TNKS: variants seen among roughly 807,000 people sequenced by gnomAD.
The protein encoded by TNKS is poly [ADP-ribose] polymerase tankyrase-1.
A neutral mutation model predicts 135.8 loss-of-function variants in TNKS; 72 were observed. The ratio of observed to expected loss-of-function variants is 0.53; its 90% CI spans 0.44 to 0.64. TNKS has a LOEUF of 0.64. Ranked by LOEUF, TNKS falls within the 30% of genes least tolerant of loss-of-function variation. TNKS has a pLI of 0.00. For missense variants in TNKS, 1,769 were observed against 1,674.0 expected (o/e 1.06, Z -0.99); for synonymous variants, 849 against 649.3 (o/e 1.31, Z -4.68).
intron 3 of TNKS, among the ~76,000 whole-genome samples, chr8:9,661,120 G>T (rs1295053250): frequency 6.6e-6 from 1 of 151,908 alleles, no homozygotes; most frequent in Admixed American, 6.6e-5. Context: ...CATGCTCATG[G>T]GTAGGAAGAA....
chr8:9,729,595 G>A (rs1805325193), intron 13 of TNKS, among the ~76,000 whole-genome samples: 1 of 152,160 alleles, frequency 6.6e-6, no homozygotes, highest in African/African-American at 2.4e-5. Flanking sequence ...CAGTAAAGCA[G>A]GGTTTGAGTC....
intron 12 of TNKS, chr8:9,722,429 G>C (rs1476823506): frequency 6.6e-6 from 1 of 152,070 alleles, no homozygotes; most frequent in Non-Finnish European, 1.5e-5. Flanking sequence ...TTCTACTTCA[G>C]CCTTAATGGT....
At chr8:9,657,275 C>A (rs1247382957) in intron 3 of TNKS, among the ~76,000 whole-genome samples, 1 of 96,776 alleles carries the variant, frequency 1.0e-5, no homozygotes, top group Admixed American at 9.3e-5. Context: ...CCCTCCCGGA[C>A]GGGGCGGCTG....
chr8:9,726,594 A>G (rs1203610364), intron 12 of TNKS, 47 bp from the exon 13 acceptor site: 4 of 1,388,274 alleles, frequency 2.9e-6, no homozygotes, highest in Non-Finnish European at 4.0e-6. Context: ...CAGTTGGAAT[A>G]TATGAGTTTG....
chr8:9,596,688 A>G (rs1382791772), intron 2 of TNKS, among the ~76,000 whole-genome samples: 1 of 152,232 alleles, frequency 6.6e-6, no homozygotes, highest in Non-Finnish European at 1.5e-5. Context: ...TGAAATCTGA[A>G]TAACTCTTTC....
At position 9,615,526 on chromosome 8, in the gene TNKS, A is replaced by G; in HGVS notation, c.899-56A>G. 6 of 1,416,800 alleles carry G rather than the reference A, an allele frequency of 4.2e-6. No individual in the cohort carries two copies. The South Asian group carries it at 6.2e-5, about 15-fold the overall frequency. 87.8% of individuals were successfully genotyped at this position (1,416,800 alleles called of 1,614,324 possible). ...ACACCATGCCGAGACGACACTTACCAGTAAATAATCTCTGTATCCCCGAGG... is the reference window on the plus strand; with the variant it reads ...ACACCATGCCGAGACGACACTTACCGGTAAATAATCTCTGTATCCCCGAGG... On this transcript the variant is annotated intron_variant, in intron 2 of 26. Transcript: ENST00000310430.
chr8:9,586,067 T>C (rs910549355), intron 2 of TNKS, among the ~76,000 whole-genome samples: 3 of 152,198 alleles, frequency 2.0e-5, no homozygotes, highest in African/African-American at 7.2e-5. Flanking sequence ...ATATTTTATA[T>C]ATAATAATTA....
intron 2 of TNKS, among the ~76,000 whole-genome samples, chr8:9,603,864 T>G (rs1799114919): frequency 6.6e-6 from 1 of 151,940 alleles, no homozygotes; most frequent in African/African-American, 2.4e-5. Flanking sequence ...TGTCTCAAAT[T>G]TAATCTGGTA....
intron 1 of TNKS, among the ~76,000 whole-genome samples, chr8:9,578,906 A>G (rs941958772): frequency 4.6e-5 from 7 of 152,208 alleles, no homozygotes; most frequent in African/African-American, 1.7e-4. Flanking sequence ...ATTGCAATTT[A>G]GTTTGTAATT....
At chr8:9,753,284 G>C (rs1175399348) in intron 20 of TNKS, among the ~76,000 whole-genome samples, 1 of 152,140 alleles carries the variant, frequency 6.6e-6, no homozygotes, top group Non-Finnish European at 1.5e-5. Context: ...ATGTGACTAG[G>C]CTCCTGAAGC....
chr8:9,721,298 T>TTATTTATATATATATATATA (rs1804868949), intron 12 of TNKS, among the ~76,000 whole-genome samples: 2 of 118,154 alleles, frequency 1.7e-5, no homozygotes, highest in Non-Finnish European at 3.5e-5. Flanking sequence ...AATAAATAAA[T>TTATTTATATATATATATATA]TATATATATA....
At chr8:9,705,375 A>G (rs1002709188) in intron 6 of TNKS, among the ~76,000 whole-genome samples, 9 of 152,274 alleles carry the variant, frequency 5.9e-5, no homozygotes, top group East Asian at 1.9e-4. Context: ...TCATTGCCCC[A>G]CTTTAAGATC....
intron 11 of TNKS, among the ~76,000 whole-genome samples, chr8:9,714,806 C>T (rs567159802): frequency 9.2e-5 from 14 of 152,212 alleles, no homozygotes; most frequent in Middle Eastern, 3.4e-3. Flanking sequence ...TGGTTTCCTA[C>T]GCCTTGATAA....
chr8:9,556,446 A>G lies in TNKS; in HGVS notation c.507A>G (p.Ala169=). The change falls in exon 1 of 27, where the codon GCA becomes GCG. Residue 169 remains alanine, a synonymous_variant. Transcript: ENST00000310430. The part of the protein sequence containing the change: ...VSSTAPLGPG[A]AGPGTGVPAV... ...GCACAGCACCACTGGGGCCTGGGGC[A>G]GCAGGACCTGGGACAGGGGTCCCAG... is the stretch of plus-strand genomic sequence containing the variant. 1 of 1,614,170 alleles carries G rather than the reference A, an allele frequency of 6.2e-7. No homozygotes were observed. Among genetic ancestry groups the G allele is most frequent in the Non-Finnish European group, 8.5e-7 (1 of 1,180,038 alleles).
intron 1 of TNKS, chr8:9,575,317 C>A: frequency 1.2e-6 from 1 of 823,880 alleles, no homozygotes; most frequent in Non-Finnish European, 1.5e-6. Flanking sequence ...GATTTCCTGA[C>A]CTCGTGATCC....
At chr8:9,645,868 C>T (rs146124715) in intron 3 of TNKS, among the ~76,000 whole-genome samples, 1 of 152,070 alleles carries the variant, frequency 6.6e-6, no homozygotes, top group Non-Finnish European at 1.5e-5. Context: ...AGTTTTGACT[C>T]ATAGTTATCT....
chr8:9,769,418 CT>C (rs1807667310), intron 25 of TNKS, among the ~76,000 whole-genome samples: 1 of 152,164 alleles, frequency 6.6e-6, no homozygotes, highest in Non-Finnish European at 1.5e-5. Context: ...TCATGATCCA[CT>C]TTTATTATTA....
intron 1 of TNKS, among the ~76,000 whole-genome samples, chr8:9,563,631 T>C (rs180715891): frequency 1.4e-3 from 212 of 152,314 alleles, no homozygotes; most frequent in African/African-American, 4.8e-3. Context: ...TTCTTGAAAT[T>C]ATTTTTTCTT....
chr8:9,556,370 C>G lies in TNKS; in HGVS notation c.431C>G (p.Ser144Cys), dbSNP rs759020372. Residue 144 changes from serine to cysteine, a missense_variant, in exon 1 of 27, where the codon TCC becomes TGC. Coordinates refer to ENST00000310430, the MANE Select transcript of TNKS (RefSeq NM_003747.3). ...SPTSSSSSSP[S>C]SPGSSLAESP... ...ACTTCTTCCTCATCTTCCTCTCCAT[C>G]CTCCCCTGGATCGAGCTTGGCGGAG... is the stretch of plus-strand genomic sequence containing the variant. The G allele has an allele frequency of 1.9e-6, 3 of 1,614,246 alleles. No homozygotes were observed. The highest frequency in any genetic ancestry group is 1.1e-5 in the South Asian group (1 of 91,090).
Sources: gnomAD v4.1 joint callset for allele counts (sites outside exome capture counted in the v4.1 genomes callset) on GRCh38, gnomAD v4.1.1 for gene constraint, MANE v1.5 for transcripts, NCBI Gene and HGNC (gene_info 2026-07-23, HGNC 2026-07-21) for gene names.